Variants in NAA35 observed in about 807,000 individuals in gnomAD.
NAA35 encodes the protein MAK10 homolog, amino-acid N-acetyltransferase subunit.
A neutral mutation model predicts 101.7 loss-of-function variants in NAA35; 18 were observed. The ratio of observed to expected loss-of-function variants is 0.18; its 90% confidence interval spans 0.12 to 0.26. NAA35 has a LOEUF of 0.26. Ranked by LOEUF, NAA35 falls within the 10% of genes least tolerant of loss-of-function variation. The probability of loss-of-function intolerance (pLI) is 1.00; values close to 1 mark genes in which losing one functional copy is unlikely to be tolerated. For synonymous variants in NAA35, 267 were observed against 273.1 expected (o/e 0.98, Z 0.22); for missense variants, 601 against 886.8 (o/e 0.68, Z 4.09).
chr9:85,999,998 G>A (rs867258581), intron 12 of NAA35, among the ~76,000 whole-genome samples: 3 of 151,908 alleles, frequency 2.0e-5, no homozygotes, highest in Non-Finnish European at 4.4e-5. Flanking sequence ...TACATTTGAG[G>A]GTACATGTGA....
chr9:85,968,655 A>G (rs1829867136), intron 6 of NAA35, among the ~76,000 whole-genome samples: 1 of 151,872 alleles, frequency 6.6e-6, no homozygotes, highest in South Asian at 2.1e-4. Flanking sequence ...ACTGTTCCAT[A>G]TTATCTCCAT....
chr9:85,959,202 C>T (rs960668708), intron 4 of NAA35, among the ~76,000 whole-genome samples: 1 of 151,804 alleles, frequency 6.6e-6, no homozygotes, highest in African/African-American at 2.4e-5. Context: ...CAGTGAAACC[C>T]CGTCTCTACT....
chr9:85,993,806 CA>C (rs985062797), intron 11 of NAA35, among the ~76,000 whole-genome samples: 1 of 151,818 alleles, frequency 6.6e-6, no homozygotes, highest in Admixed American at 6.6e-5. Flanking sequence ...ATGAGATTTT[CA>C]AAAAACCCTT....
intron 2 of NAA35, 149 bp from the exon 3 acceptor site, chr9:85,956,211 A>AT: frequency 2.1e-6 from 1 of 487,610 alleles, no homozygotes; most frequent in South Asian, 2.6e-5. Flanking sequence ...AATGCATTAT[A>AT]TTAGTAATTG....
chr9:85,959,643 T>G (rs1829427345), intron 4 of NAA35, 150 bp from the exon 5 acceptor site: 1 of 528,330 alleles, frequency 1.9e-6, no homozygotes, highest in Admixed American at 3.6e-5. Flanking sequence ...GTTAATTTGG[T>G]GTGATAGTTT....
chr9:85,986,750 A>G (rs1423771741), intron 11 of NAA35: 1 of 276,268 alleles, frequency 3.6e-6, no homozygotes, highest in Non-Finnish European at 7.0e-6. Flanking sequence ...ATGCCCGGCT[A>G]ACTTTTTGTA....
intron 5 of NAA35, among the ~76,000 whole-genome samples, 186 bp downstream of exon 5, chr9:85,960,053 C>A (rs1358005986): frequency 6.6e-6 from 1 of 152,148 alleles, no homozygotes; most frequent in East Asian, 1.9e-4. Context: ...ATTTTACATT[C>A]TAATTTTCTG....
intron 18 of NAA35, 108 bp downstream of exon 18, chr9:86,016,783 C>G: frequency 8.8e-7 from 1 of 1,134,316 alleles, no homozygotes. Flanking sequence ...GTTCTTGTTC[C>G]TCTTTTCAGA....
intron 11 of NAA35, among the ~76,000 whole-genome samples, chr9:85,993,459 A>T (rs1488162541): frequency 6.6e-6 from 1 of 152,156 alleles, no homozygotes; most frequent in Non-Finnish European, 1.5e-5. Context: ...GTGAGCCACC[A>T]TGTCCGGCTA....
intron 18 of NAA35, 97 bp from the exon 19 acceptor site, chr9:86,017,401 A>G (rs894359702): frequency 9.2e-7 from 1 of 1,081,834 alleles, no homozygotes; most frequent in South Asian, 1.5e-5. Flanking sequence ...TTAGTATACA[A>G]GCTGAAAGAT....
chr9:86,005,566 C>T (rs1419571806), intron 13 of NAA35, among the ~76,000 whole-genome samples: 1 of 152,132 alleles, frequency 6.6e-6, no homozygotes, highest in African/African-American at 2.4e-5. Flanking sequence ...ACATCATTTT[C>T]CATGTAGAAT....
At chr9:86,008,925 G>A (rs534013766) in intron 14 of NAA35, among the ~76,000 whole-genome samples, 1 of 152,256 alleles carries the variant, frequency 6.6e-6, no homozygotes, top group East Asian at 1.9e-4. Context: ...CAGATCATTT[G>A]TCCCTGTTAT....
At position 86,007,536 on chromosome 9, in the gene NAA35, CT is replaced by C. The variant is rs528395071; in HGVS notation, c.1223+75del. The C allele has an allele frequency of 1.2e-3, 1,255 of 1,062,928 alleles. 7 individuals are homozygous for C. The African/African-American group carries it at 0.018, about 15-fold the overall frequency. 65.8% of individuals were successfully genotyped at this position (1,062,928 alleles called of 1,614,324 possible). Reference sequence around the variant, plus strand: ...AAAGCCCAACTTCTCTGTACTCCTTCTTTATAGCCAAAGTATCAAAATTGGG... The same window carrying C: ...AAAGCCCAACTTCTCTGTACTCCTTCTTATAGCCAAAGTATCAAAATTGGG... On this transcript the variant is annotated intron_variant, in intron 14 of 22. Coordinates refer to ENST00000361671, the MANE Select transcript of NAA35 (RefSeq NM_024635.4).
rs1832736370 is a variant in NAA35 at position 86,025,265 on chromosome 9, G to A, written c.*3305G>A. On this transcript the variant is annotated 3_prime_UTR_variant, in exon 23 of 23. Coordinates refer to ENST00000361671, the MANE Select transcript of NAA35 (RefSeq NM_024635.4). The stretch of plus-strand genomic sequence containing the variant: ...AGGCCATTAAGAGAAGGACTGAAAA[G>A]AGCCCATTGAACTTGGCAAGTAAAG... Among the ~76,000 whole-genome samples, 1 of 152,136 alleles carries A rather than the reference G, an allele frequency of 6.6e-6. No homozygotes were observed. The highest frequency in any genetic ancestry group is 6.5e-5 in the Admixed American group (1 of 15,286).
intron 6 of NAA35, among the ~76,000 whole-genome samples, chr9:85,967,578 G>A (rs1354741225): frequency 1.3e-5 from 2 of 152,036 alleles, no homozygotes; most frequent in African/African-American, 4.8e-5. Context: ...GAGGCCCGAG[G>A]TGGGCAGAGG....
intron 8 of NAA35, among the ~76,000 whole-genome samples, chr9:85,975,598 T>G (rs1230225613): frequency 6.6e-6 from 1 of 152,210 alleles, no homozygotes; most frequent in Non-Finnish European, 1.5e-5. Flanking sequence ...AAAATTTGAA[T>G]TTTTTAATGT....
intron 2 of NAA35, among the ~76,000 whole-genome samples, chr9:85,949,446 C>T (rs532888675): frequency 6.6e-6 from 1 of 152,028 alleles, no homozygotes; most frequent in Non-Finnish European, 1.5e-5. Context: ...AGGTGCCTGC[C>T]ACCATGCCCG....
chr9:85,965,353 A>G (rs902605210), intron 6 of NAA35, among the ~76,000 whole-genome samples: 3 of 152,222 alleles, frequency 2.0e-5, no homozygotes, highest in African/African-American at 4.8e-5. Flanking sequence ...CTGGCCAGGC[A>G]TGGTGGCTCA....
intron 12 of NAA35, among the ~76,000 whole-genome samples, chr9:85,998,820 C>A (rs1322121133): frequency 6.6e-6 from 1 of 152,178 alleles, no homozygotes; most frequent in Non-Finnish European, 1.5e-5. Flanking sequence ...ACCTTACACA[C>A]TGAGGTGTGG....
Sources: gnomAD v4.1 joint callset for allele counts (sites outside exome capture counted in the v4.1 genomes callset) on GRCh38, gnomAD v4.1.1 for gene constraint, MANE v1.5 for transcripts, NCBI Gene and HGNC (gene_info 2026-07-23, HGNC 2026-07-21) for gene names.